The following RFC4 variants were observed in gnomAD, a reference collection of about 807,000 sequenced individuals.
RFC4 encodes A1 37 kDa subunit.
Under a neutral mutation model 47.6 loss-of-function variants are expected in RFC4, and 38 were observed. The observed-to-expected ratio is 0.80, with a 90% CI of 0.62 to 1.05. The LOEUF (loss-of-function observed/expected upper bound fraction) is 1.05. Among genes scored for constraint, RFC4 ranks in the 50% least tolerant of loss-of-function variants. RFC4 has a pLI of 0.00. For synonymous variants in RFC4, 164 were observed against 150.0 expected (o/e 1.09, Z -0.68); for missense variants, 489 against 434.0 (o/e 1.13, Z -1.13).
chr3:186,797,078 C>A (rs926519499), intron 4 of RFC4, among the ~76,000 whole-genome samples: 2 of 152,190 alleles, frequency 1.3e-5, no homozygotes, highest in African/African-American at 4.8e-5. Flanking sequence ...AGGAGCTGGA[C>A]TGGCCACTCC....
chr3:186,794,526 A>G, intron 5 of RFC4, 132 bp downstream of exon 5: 2 of 848,536 alleles, frequency 2.4e-6, no homozygotes, highest in Non-Finnish European at 3.7e-6. Context: ...CAGGCAGGAT[A>G]GTCTTCTAAC....
chr3:186,801,001 C>CCTA, intron 3 of RFC4, 116 bp downstream of exon 3: 1 of 720,910 alleles, frequency 1.4e-6, no homozygotes, highest in Non-Finnish European at 2.4e-6. Flanking sequence ...TTATCAAGGA[C>CCTA]CTACTGTACA....
rs762174683 is a variant in RFC4 at position 186,790,296 on chromosome 3, C to T, written c.882+30G>A. ...CTTTTGGTATGATGACTTAATATTC[C>T]TTTCCCCAAAGTTAGTAAGCTGACT... On this transcript the variant is annotated intron_variant, in intron 9 of 10. Coordinates refer to ENST00000296273, the MANE Select transcript of RFC4 (RefSeq NM_002916.5). 4 of 1,611,684 alleles carry T rather than the reference C, an allele frequency of 2.5e-6. No individual in the cohort carries two copies. The African/African-American group carries it at 4.0e-5, about 16-fold the overall frequency.
At chr3:186,806,127 C>T (rs114404505) in intron 1 of RFC4, among the ~76,000 whole-genome samples, 163 bp downstream of exon 1, 1,581 of 152,310 alleles carry the variant, frequency 0.01, 23 homozygotes, top group East Asian at 0.072. Flanking sequence ...AAAGCCGGGG[C>T]CTGCAAGATG....
intron 1 of RFC4, among the ~76,000 whole-genome samples, chr3:186,805,383 G>A (rs1722456378): frequency 6.6e-6 from 1 of 152,022 alleles, no homozygotes; most frequent in Non-Finnish European, 1.5e-5. Context: ...ACCACCCCCG[G>A]CTAATTTTTT....
Position 186,789,957 on chromosome 3 carries a change from GAT to G in RFC4, c.*10_*11del. Reference sequence around the variant, plus strand: ...CATTATTTACAAAACCCCCCATCCAGATATATTCACGTTAACAATTCTGAGAT... The same window carrying G: ...CATTATTTACAAAACCCCCCATCCAGATATTCACGTTAACAATTCTGAGAT... On this transcript the variant is annotated 3_prime_UTR_variant, in exon 11 of 11. Transcript: ENST00000296273. 6.6e-7 allele frequency: 1 copy of G among 1,524,658 alleles called. No individual in the cohort carries two copies. Among genetic ancestry groups the G allele is most frequent in the East Asian group, 2.3e-5 (1 of 44,390 alleles). 94.4% of individuals were successfully genotyped at this position (1,524,658 alleles called of 1,614,324 possible). A position where few individuals can be genotyped will look rare whatever the true frequency, so the allele number is the denominator to read the frequency against.
chr3:186,791,802 T>C lies in RFC4; in HGVS notation c.724A>G (p.Ile242Val), dbSNP rs1722146494. 3 of 1,611,934 alleles carry C rather than the reference T, an allele frequency of 1.9e-6. No homozygotes were observed. Among genetic ancestry groups the C allele is most frequent in the South Asian group, 2.2e-5 (2 of 91,046 alleles). Residue 242 changes from isoleucine to valine, a missense_variant, in exon 8 of 11, where the codon ATT (isoleucine) becomes GTT (valine). Physicochemically the swap from Ile to Val is conservative, Grantham distance 29. Around this residue, in one of 2 missense-constraint regions of RFC4, gnomAD observed 283 missense variants for 176.2 expected, o/e 1.61. Transcript: ENST00000296273. ...KVSEGDLRKAITFLQSATRLT... is the reference protein window; with the variant it reads ...KVSEGDLRKAVTFLQSATRLT... ...CGAGTAGCGCTTTGAAGAAATGTAA[T>C]GGCTTTTCTTAAGTCTCCTTCTGAC...
intron 4 of RFC4, among the ~76,000 whole-genome samples, chr3:186,795,626 C>G (rs761060827): frequency 5.3e-5 from 8 of 152,042 alleles, no homozygotes; most frequent in Non-Finnish European, 1.2e-4. Flanking sequence ...AACCCTGTCT[C>G]TACTAAAAAT....
chr3:186,806,230 G>C (rs113143182), intron 1 of RFC4, 60 bp downstream of exon 1: 1 of 148,578 alleles, frequency 6.7e-6, no homozygotes, highest in African/African-American at 2.5e-5. Context: ...ACCTCACAAG[G>C]GGCATCAAGG....
intron 3 of RFC4, among the ~76,000 whole-genome samples, chr3:186,799,805 C>A (rs971997349): frequency 7.8e-4 from 118 of 152,174 alleles, no homozygotes; most frequent in African/African-American, 2.6e-3. Flanking sequence ...TATTGTCCTG[C>A]AATCTGTGTA....
chr3:186,791,221 A>C (rs1320797599), intron 8 of RFC4: 2 of 157,514 alleles, frequency 1.3e-5, no homozygotes, highest in Admixed American at 6.1e-5. Flanking sequence ...GGTGGCTCCC[A>C]CCTATAATCC....
chr3:186,802,058 C>T (rs988923902), intron 2 of RFC4, among the ~76,000 whole-genome samples: 1 of 149,898 alleles, frequency 6.7e-6, no homozygotes, highest in Admixed American at 6.7e-5. Context: ...AAAGTGAACA[C>T]CTGCTTAGAA....
In RFC4 at chr3:186,791,858, G is replaced by C; in HGVS notation, c.676-8C>G. 1 of 1,608,188 alleles carries C rather than the reference G, an allele frequency of 6.2e-7. No individual in the cohort carries two copies. The highest frequency in any genetic ancestry group is 8.5e-7 in the Non-Finnish European group (1 of 1,176,420). On this transcript the variant is annotated splice_region_variant and splice_polypyrimidine_tract_variant and intron_variant, in intron 7 of 10. Transcript: ENST00000296273. ...AACAAGATAAGCTATTCCCTGAAGAGAAAAGAGTTGTTTTTAACCTATGAT... is the reference window on the plus strand; with the variant it reads ...AACAAGATAAGCTATTCCCTGAAGACAAAAGAGTTGTTTTTAACCTATGAT...
intron 2 of RFC4, among the ~76,000 whole-genome samples, chr3:186,801,972 G>A (rs979838227): frequency 2.8e-5 from 4 of 143,314 alleles, no homozygotes; most frequent in African/African-American, 7.8e-5. Flanking sequence ...GTGGTGAGCC[G>A]AGATCGTATC....
intron 6 of RFC4, 57 bp downstream of exon 6, chr3:186,792,747 T>C (rs992763099): frequency 1.9e-6 from 3 of 1,564,988 alleles, no homozygotes; most frequent in Non-Finnish European, 2.6e-6. Context: ...TTCCTTTCCC[T>C]AATTGGGTTA....
At position 186,801,115 on chromosome 3, in the gene RFC4, A is replaced by C; in HGVS notation, c.210+2T>G. ...TGACATTAAACACCATTTGCAACTC[A>C]CATCTGCTCCTTCTAAAGATTTTTT... On this transcript the variant is annotated splice_donor_variant, in intron 3 of 10. Coordinates refer to ENST00000296273, the MANE Select transcript of RFC4 (RefSeq NM_002916.5). LOFTEE classifies it high-confidence loss of function. 1 of 1,608,408 alleles carries C rather than the reference A, an allele frequency of 6.2e-7. No individual in the cohort carries two copies. The highest frequency in any genetic ancestry group is 1.7e-4 in the Middle Eastern group (1 of 6,050).
Position 186,794,752 on chromosome 3 carries a change from G to T in RFC4, c.316C>A (p.Leu106Ile), listed in dbSNP as rs747875532. ...FGPELFRLRVLELNASDERGI... is the reference protein window; with the variant it reads ...FGPELFRLRVIELNASDERGI... ...CGTTCATCAGATGCATTTAACTCAA[G>T]AACTCTTAATCGGAAAAGTTCAGGC... Residue 106 changes from leucine to isoleucine, a missense_variant, in exon 5 of 11, where the codon CTT becomes ATT. This residue lies in a region of RFC4 where 206 missense variants were observed against 257.8 expected (regional missense o/e 0.80). Transcript: ENST00000296273. The T allele has an allele frequency of 6.2e-7, 1 of 1,613,854 alleles. No homozygotes were observed. Among genetic ancestry groups the T allele is most frequent in the Non-Finnish European group, 8.5e-7 (1 of 1,179,886 alleles).
intron 2 of RFC4, among the ~76,000 whole-genome samples, chr3:186,802,991 C>G (rs1257348214): frequency 6.6e-6 from 1 of 152,096 alleles, no homozygotes; most frequent in South Asian, 2.1e-4. Flanking sequence ...AAAATCCAGA[C>G]CCTCCTCCAC....
At chr3:186,805,441 G>C (rs1252864999) in intron 1 of RFC4, 1 of 152,176 alleles carries the variant, frequency 6.6e-6, no homozygotes, top group African/African-American at 2.4e-5. Context: ...AGGCTGGTCT[G>C]GAACTCCTGG....
Sources: gnomAD v4.1 joint callset for allele counts (sites outside exome capture counted in the v4.1 genomes callset) on GRCh38, gnomAD v4.1.1 for gene constraint, gnomAD v4.1.1 regional missense constraint, MANE v1.5 for transcripts, NCBI Gene and HGNC (gene_info 2026-07-23, HGNC 2026-07-21) for gene names.